Variants in TRPM3 observed in about 807,000 individuals in gnomAD.
The protein encoded by TRPM3 is long transient receptor potential channel 3.
In TRPM3, 77 loss-of-function variants were observed where a neutral mutation model predicts 181.2. That is an observed-to-expected ratio of 0.42 (90% CI 0.35 to 0.51). The LOEUF is 0.51. Ranked by LOEUF, TRPM3 falls within the 20% of genes least tolerant of loss-of-function variation. TRPM3 has a pLI of 0.01. For synonymous variants in TRPM3, 745 were observed against 796.4 expected (o/e 0.94, Z 1.09); for missense variants, 1,759 against 2,196.7 (o/e 0.80, Z 3.98).
At chr9:71,254,874 A>G (rs941499994) in intron 1 of TRPM3, among the ~76,000 whole-genome samples, 13 of 152,180 alleles carry the variant, frequency 8.5e-5, no homozygotes, top group Admixed American at 7.9e-4. Flanking sequence ...GAAAGGAAAG[A>G]AGACAAAGGG....
At chr9:70,565,375 C>A (rs62545463) in intron 22 of TRPM3, among the ~76,000 whole-genome samples, 35,380 of 151,966 alleles carry the variant, frequency 0.23, 4,819 homozygotes, top group Admixed American at 0.31. Flanking sequence ...CTCACTGCAA[C>A]CTCCAACTCC....
chr9:71,112,088 G>A (rs1300702389), intron 1 of TRPM3, among the ~76,000 whole-genome samples: 2 of 152,128 alleles, frequency 1.3e-5, no homozygotes, highest in Non-Finnish European at 2.9e-5. Context: ...GTTGGGTAGA[G>A]CCTACACAGT....
chr9:70,935,789 AT>A (rs1162900862), intron 1 of TRPM3, among the ~76,000 whole-genome samples: 3 of 152,252 alleles, frequency 2.0e-5, no homozygotes, highest in South Asian at 2.1e-4. Context: ...GAAGTGGCAG[AT>A]TTTTTCCCCC....
At chr9:71,061,273 C>G (rs2061302489) in intron 1 of TRPM3, among the ~76,000 whole-genome samples, 1 of 152,068 alleles carries the variant, frequency 6.6e-6, no homozygotes, top group Non-Finnish European at 1.5e-5. Context: ...AATATGTAAT[C>G]TTTTTAAATG....
At chr9:70,822,164 A>G (rs184286264) in intron 6 of TRPM3, among the ~76,000 whole-genome samples, 16 of 152,314 alleles carry the variant, frequency 1.1e-4, no homozygotes, top group Admixed American at 9.8e-4. Context: ...CTGTGCCCGT[A>G]ATTCTCTGCT....
chr9:70,573,893 GTGTT>G (rs2053135929), intron 22 of TRPM3, among the ~76,000 whole-genome samples: 1 of 151,706 alleles, frequency 6.6e-6, no homozygotes, highest in African/African-American at 2.4e-5. Flanking sequence ...GCAGGATCTG[GTGTT>G]TGTTGAGCCC....
intron 1 of TRPM3, among the ~76,000 whole-genome samples, chr9:70,994,427 A>G (rs1245949753): frequency 6.6e-6 from 1 of 152,036 alleles, no homozygotes; most frequent in Admixed American, 6.6e-5. Flanking sequence ...GGGCTTGAAA[A>G]CTACCTGACT....
intron 21 of TRPM3, among the ~76,000 whole-genome samples, chr9:70,597,885 G>T (rs1759711527): frequency 6.6e-6 from 1 of 152,094 alleles, no homozygotes; most frequent in Admixed American, 6.5e-5. Context: ...CCTTTGTGTA[G>T]GGAAAGGCAT....
At chr9:71,245,065 C>G (rs1350512971) in intron 1 of TRPM3, among the ~76,000 whole-genome samples, 3 of 152,090 alleles carry the variant, frequency 2.0e-5, no homozygotes, top group Admixed American at 1.3e-4. Flanking sequence ...CTTGGCACAG[C>G]ATTGGCAAGT....
rs373665760 is a variant in TRPM3 at position 70,641,574 on chromosome 9, C to T, written c.1346-914G>A. On this transcript the variant is annotated intron_variant, in intron 9 of 25. Transcript: ENST00000677713. ...TCCAGATTCTGTCTCTAGAGCTGTG[C>T]GGTTCACAGGTGGCTAAGTTTAAAT... is the stretch of plus-strand genomic sequence containing the variant. 1.6e-4 allele frequency among the ~76,000 whole-genome samples: 25 copies of T among 152,242 alleles called. No homozygotes were observed. In the East Asian group the frequency reaches 2.9e-3, roughly 18 times the overall value.
At chr9:71,109,979 A>G (rs2070687260) in intron 1 of TRPM3, among the ~76,000 whole-genome samples, 1 of 152,204 alleles carries the variant, frequency 6.6e-6, no homozygotes, top group Non-Finnish European at 1.5e-5. Context: ...CAGTCCCTGT[A>G]CATTTCAATA....
chr9:70,549,345 T>C (rs944531070), intron 25 of TRPM3, among the ~76,000 whole-genome samples, 197 bp downstream of exon 25: 2 of 152,206 alleles, frequency 1.3e-5, no homozygotes, highest in Non-Finnish European at 2.9e-5. Context: ...GCTAGAGAAG[T>C]CTAGGATCTG....
intron 1 of TRPM3, among the ~76,000 whole-genome samples, chr9:71,040,597 T>C (rs1367110171): frequency 6.6e-6 from 1 of 152,184 alleles, no homozygotes; most frequent in Non-Finnish European, 1.5e-5. Flanking sequence ...TGGTTATAAT[T>C]GATTCAGAAA....
intron 1 of TRPM3, among the ~76,000 whole-genome samples, chr9:71,273,422 T>C (rs181836899): frequency 3.3e-5 from 5 of 152,326 alleles, no homozygotes; most frequent in Admixed American, 1.3e-4. Flanking sequence ...AATTCTGTTT[T>C]CCTGTCTTCT....
chr9:71,370,525 A>G (rs1358738807), intron 1 of TRPM3, among the ~76,000 whole-genome samples: 1 of 152,248 alleles, frequency 6.6e-6, no homozygotes, highest in Non-Finnish European at 1.5e-5. Context: ...CCAAAGCCTC[A>G]TCTAGAACAC....
rs990308360 is a variant in TRPM3 at position 71,160,585 on chromosome 9, C to T, written c.183+286068G>A. On this transcript the variant is annotated intron_variant, in intron 1 of 24. Transcript: ENST00000357533. ...AACATATTTGTATCTAAAATTGTCT[C>T]AACACTTTACTTCCACAAAATACAA... Among the ~76,000 whole-genome samples, 4 of 152,246 alleles carry T rather than the reference C, an allele frequency of 2.6e-5. No individual in the cohort carries two copies. In the East Asian group the frequency reaches 5.8e-4, roughly 22 times the overall value.
intron 22 of TRPM3, among the ~76,000 whole-genome samples, chr9:70,587,383 C>T (rs558046962): frequency 2.6e-5 from 4 of 152,186 alleles, no homozygotes; most frequent in African/African-American, 7.2e-5. Flanking sequence ...ATACAGCCAG[C>T]AGCACATGGA....
At position 71,128,830 on chromosome 9, in the gene TRPM3, A is replaced by G. The variant is rs533310699; in HGVS notation, c.184-264319T>C. On this transcript the variant is annotated intron_variant, in intron 1 of 24. Coordinates refer to the TRPM3 transcript ENST00000357533. Reference sequence around the variant, plus strand: ...CAGCTGAAGTCAGATTTCTTGGCCAATGGATACCCAAATCAAACACAAGTT... The same window carrying G: ...CAGCTGAAGTCAGATTTCTTGGCCAGTGGATACCCAAATCAAACACAAGTT... Among the ~76,000 whole-genome samples, 4 of 152,332 alleles carry G rather than the reference A, an allele frequency of 2.6e-5. No homozygotes were observed. The East Asian group carries it at 5.8e-4, about 22-fold the overall frequency.
chr9:71,427,795 C>T (rs1306659905), intron 1 of TRPM3, among the ~76,000 whole-genome samples: 5 of 152,072 alleles, frequency 3.3e-5, no homozygotes, highest in African/African-American at 1.2e-4. Flanking sequence ...GAAAAACTAC[C>T]TCCTGAGTAC....
Sources: gnomAD v4.1 joint callset for allele counts (sites outside exome capture counted in the v4.1 genomes callset) on GRCh38, gnomAD v4.1.1 for gene constraint, MANE v1.5 for transcripts, NCBI Gene and HGNC (gene_info 2026-07-23, HGNC 2026-07-21) for gene names.